SEPTIN14: variants seen among roughly 807,000 people sequenced by gnomAD.
The protein encoded by SEPTIN14 is septin-14.
In SEPTIN14, 40 loss-of-function variants were observed where a neutral mutation model predicts 53.6. That is an observed-to-expected ratio of 0.75 (90% CI 0.58 to 0.97). SEPTIN14 has a LOEUF of 0.97. SEPTIN14 is among the 50% of genes least tolerant of loss of function. The probability of loss-of-function intolerance (pLI) is 0.00; values close to 1 mark genes in which losing one functional copy is unlikely to be tolerated. For missense variants in SEPTIN14, 471 were observed against 508.2 expected (o/e 0.93, Z 0.70); for synonymous variants, 138 against 166.8 (o/e 0.83, Z 1.33).
At chr7:55,846,208 A>G (rs1789406630) in intron 3 of SEPTIN14, among the ~76,000 whole-genome samples, 1 of 147,680 alleles carries the variant, frequency 6.8e-6, no homozygotes, top group Non-Finnish European at 1.5e-5. Flanking sequence ...AACAATCACT[A>G]CAGGTCGAGT....
At chr7:55,838,406 T>TC (rs1176727339) in intron 5 of SEPTIN14, among the ~76,000 whole-genome samples, 1 of 152,128 alleles carries the variant, frequency 6.6e-6, no homozygotes, top group African/African-American at 2.4e-5. Flanking sequence ...ATAGTAAATT[T>TC]TATTTTAAAA....
At chr7:55,825,870 A>G (rs2116010403) in intron 6 of SEPTIN14, among the ~76,000 whole-genome samples, 1 of 152,206 alleles carries the variant, frequency 6.6e-6, no homozygotes, top group Non-Finnish European at 1.5e-5. Flanking sequence ...TGGGAGGCCG[A>G]GGCGGGTGGA....
chr7:55,809,154 G>A (rs551918045), intron 7 of SEPTIN14, among the ~76,000 whole-genome samples: 1 of 152,140 alleles, frequency 6.6e-6, no homozygotes, highest in Admixed American at 6.6e-5. Context: ...GTGATGTAAT[G>A]CAGGAACAGA....
rs1562717457 is a variant in SEPTIN14, at chr7:55,842,927, A to C, written c.558+15T>G. On this transcript the variant is annotated intron_variant, in intron 5 of 9. Coordinates refer to ENST00000388975, the MANE Select transcript of SEPTIN14 (RefSeq NM_207366.3). Reference sequence around the variant, plus strand: ...CGTCTCAAAAAAAAAAAGATGGTAGATTTACCAAACATACCTTACTGTCAA... The same window carrying C: ...CGTCTCAAAAAAAAAAAGATGGTAGCTTTACCAAACATACCTTACTGTCAA... 1 of 1,463,076 alleles carries C rather than the reference A, an allele frequency of 6.8e-7. No individual in the cohort carries two copies. Among genetic ancestry groups the C allele is most frequent in the Non-Finnish European group, 9.1e-7 (1 of 1,099,848 alleles). 90.6% of individuals were successfully genotyped at this position (1,463,076 alleles called of 1,614,324 possible).
chr7:55,821,957 G>C (rs972475007), intron 6 of SEPTIN14, among the ~76,000 whole-genome samples: 1 of 152,140 alleles, frequency 6.6e-6, no homozygotes, highest in Non-Finnish European at 1.5e-5. Context: ...GAAGTGAAAG[G>C]CACTTCCTAC....
At chr7:55,816,585 T>G (rs1212810762) in intron 7 of SEPTIN14, among the ~76,000 whole-genome samples, 1 of 149,862 alleles carries the variant, frequency 6.7e-6, no homozygotes. Flanking sequence ...TCACCTGAGG[T>G]CAGGAGTTTG....
At chr7:55,838,541 C>T (rs1789248919) in intron 5 of SEPTIN14, among the ~76,000 whole-genome samples, 2 of 114,370 alleles carry the variant, frequency 1.7e-5, no homozygotes, top group African/African-American at 6.6e-5. Flanking sequence ...CCCTTCCTCC[C>T]TCCCTTCCTT....
At position 55,795,394 on chromosome 7, in the gene SEPTIN14, T is replaced by C; in HGVS notation, c.*519A>G. 1 of 157,186 alleles carries C rather than the reference T, an allele frequency of 6.4e-6. No individual in the cohort carries two copies. The highest frequency in any genetic ancestry group is 1.9e-4 in the South Asian group (1 of 5,364). The allele number at this position is 157,186 out of a possible 1,614,324, so 9.7% of individuals were successfully genotyped here. On this transcript the variant is annotated 3_prime_UTR_variant, in exon 10 of 10. Coordinates refer to ENST00000388975, the MANE Select transcript of SEPTIN14 (RefSeq NM_207366.3). ...ATTGAAAGTCATATTTGTGTTAGTG[T>C]ACGTCCTAAGTGCCAAGATACAGAA...
At chr7:55,800,176 C>G (rs1165427193) in intron 9 of SEPTIN14, among the ~76,000 whole-genome samples, 1 of 152,116 alleles carries the variant, frequency 6.6e-6, no homozygotes, top group East Asian at 1.9e-4. Context: ...CACATATACA[C>G]AGTGGACTAC....
At chr7:55,823,824 C>T (rs1751981768) in intron 6 of SEPTIN14, among the ~76,000 whole-genome samples, 1 of 152,096 alleles carries the variant, frequency 6.6e-6, no homozygotes, top group Admixed American at 6.5e-5. Flanking sequence ...TGTTGCCTCC[C>T]TAGCAATGTA....
intron 2 of SEPTIN14, among the ~76,000 whole-genome samples, chr7:55,859,897 G>A (rs977569920): frequency 3.9e-5 from 6 of 152,086 alleles, no homozygotes; most frequent in African/African-American, 1.2e-4. Flanking sequence ...ATACTATTTG[G>A]GGCCAGACGT....
At chr7:55,835,361 C>T (rs1468106978) in intron 5 of SEPTIN14, among the ~76,000 whole-genome samples, 1 of 151,858 alleles carries the variant, frequency 6.6e-6, no homozygotes, top group Non-Finnish European at 1.5e-5. Context: ...CACCACCATG[C>T]CCGGCTACTT....
In SEPTIN14 at chr7:55,809,604, G is replaced by A. The variant is rs202078067; in HGVS notation, c.818-2346C>T. Among the ~76,000 whole-genome samples the A allele has an allele frequency of 1.1e-4, 17 of 151,372 alleles. 1 individual carries two copies. Among genetic ancestry groups the A allele is most frequent in the East Asian group, 7.8e-4 (4 of 5,136 alleles). Reference sequence around the variant, plus strand: ...ACTCCTGAACTCAGGTGATCCACGTGCCTCAGCCTGCCAAAGTGCTGGGAT... The same window carrying A: ...ACTCCTGAACTCAGGTGATCCACGTACCTCAGCCTGCCAAAGTGCTGGGAT... On this transcript the variant is annotated intron_variant, in intron 7 of 9. Transcript: ENST00000388975.
chr7:55,796,946 A>G (rs1455836400), intron 9 of SEPTIN14, among the ~76,000 whole-genome samples: 1 of 152,064 alleles, frequency 6.6e-6, no homozygotes, highest in Non-Finnish European at 1.5e-5. Context: ...AACATAGTGA[A>G]ACCCCGTCTC....
intron 8 of SEPTIN14, among the ~76,000 whole-genome samples, chr7:55,806,638 T>C (rs1197927567): frequency 1.3e-5 from 2 of 151,752 alleles, no homozygotes. Flanking sequence ...ACTTTTTGTA[T>C]TTTTAGTAGA....
intron 5 of SEPTIN14, among the ~76,000 whole-genome samples, chr7:55,834,897 G>A (rs1400861885): frequency 6.6e-6 from 1 of 151,888 alleles, no homozygotes; most frequent in Non-Finnish European, 1.5e-5. Flanking sequence ...CGCCTGCCCC[G>A]GCCTCCCAAA....
intron 2 of SEPTIN14, among the ~76,000 whole-genome samples, chr7:55,860,302 T>C (rs112468187): frequency 0.038 from 5,745 of 152,206 alleles, 136 homozygotes; most frequent in Admixed American, 0.058. Flanking sequence ...AAGACAAATA[T>C]GTCACTCATA....
At position 55,844,714 on chromosome 7, in the gene SEPTIN14, C is replaced by A. The variant is rs140850761; in HGVS notation, c.180G>T (p.Glu60Asp). ...GFTFNILCVG[E>D]TGIGKSTLID... The stretch of plus-strand genomic sequence containing the variant: ...TCAGTGTCGATTTTCCAATTCCAGT[C>A]TCCCCTGTAATAGACATAGAGTCAT... Residue 60 changes from glutamate (E) to aspartate (D), a missense_variant, in exon 4 of 10, where the codon GAG becomes GAT. Glu to Asp is a conservative substitution (Grantham distance 45, BLOSUM62 2). Coordinates refer to ENST00000388975, the MANE Select transcript of SEPTIN14 (RefSeq NM_207366.3). 2 of 1,565,106 alleles carry A rather than the reference C, an allele frequency of 1.3e-6. No homozygotes were observed. Among genetic ancestry groups the A allele is most frequent in the Non-Finnish European group, 1.7e-6 (2 of 1,145,412 alleles).
chr7:55,857,422 GAGAGA>G (rs1257604934), intron 2 of SEPTIN14, among the ~76,000 whole-genome samples: 2 of 136,164 alleles, frequency 1.5e-5, no homozygotes, highest in African/African-American at 2.7e-5. Flanking sequence ...AGAAAGAAGA[GAGAGA>G]AGAGAAGAGA....
Sources: gnomAD v4.1 joint callset for allele counts (sites outside exome capture counted in the v4.1 genomes callset) on GRCh38, gnomAD v4.1.1 for gene constraint, MANE v1.5 for transcripts, NCBI Gene and HGNC (gene_info 2026-07-23, HGNC 2026-07-21) for gene names.